TRPM3: variants seen among roughly 807,000 people sequenced by gnomAD.
The protein encoded by TRPM3 is long transient receptor potential channel 3.
In TRPM3, 77 loss-of-function variants were observed where a neutral mutation model predicts 181.2. The ratio of observed to expected loss-of-function variants is 0.42; its 90% CI spans 0.35 to 0.51. The LOEUF (loss-of-function observed/expected upper bound fraction) is 0.51. Among genes scored for constraint, TRPM3 ranks in the 20% least tolerant of loss-of-function variants. TRPM3 has a pLI of 0.01. For synonymous variants in TRPM3, 745 were observed against 796.4 expected, an observed-to-expected ratio of 0.94 and a Z score of 1.09; for missense variants, 1,759 against 2,196.7, an observed-to-expected ratio of 0.80 and a Z score of 3.98.
rs2040556533 is a variant in TRPM3 at position 70,529,371 on chromosome 9, G to T, written c.*6582C>A. The T allele has an allele frequency of 1.3e-5, 2 of 152,184 alleles. No homozygotes were observed. The highest frequency in any genetic ancestry group is 4.1e-4 in the South Asian group (2 of 4,834). 9.4% of individuals were successfully genotyped at this position (152,184 alleles called of 1,614,324 possible). On this transcript the variant is annotated 3_prime_UTR_variant, in exon 26 of 26. Coordinates refer to ENST00000677713, the MANE Select transcript of TRPM3 (RefSeq NM_001366145.2). ...TATTTGTAGGAATTCATTTAAAAATGATATCTGAATAATTTCCCCCATTAT... is the reference window on the plus strand; with the variant it reads ...TATTTGTAGGAATTCATTTAAAAATTATATCTGAATAATTTCCCCCATTAT...
rs1202843309 is a variant in TRPM3, at chr9:71,362,683, AT to A, written c.183+83969del. On this transcript the variant is annotated intron_variant, in intron 1 of 24. Coordinates refer to the TRPM3 transcript ENST00000357533. ...ATGACTACAGGTAAACCTTCTGAAC[AT>A]AAGCGATAACAATTTTTGTAACTTG... is the stretch of plus-strand genomic sequence containing the variant. Among the ~76,000 whole-genome samples, 3 of 152,236 alleles carry A rather than the reference AT, an allele frequency of 2.0e-5. No homozygotes were observed. In the East Asian group the frequency reaches 5.8e-4, roughly 29 times the overall value.
chr9:71,271,444 T>C (rs1034117916), intron 1 of TRPM3, among the ~76,000 whole-genome samples: 6 of 152,150 alleles, frequency 3.9e-5, no homozygotes, highest in African/African-American at 1.4e-4. Flanking sequence ...TACCACTCTG[T>C]GAAAATTCTA....
At chr9:70,603,217 TG>T in intron 20 of TRPM3, 124 bp downstream of exon 20, 2 of 1,168,202 alleles carry the variant, frequency 1.7e-6, no homozygotes, top group Middle Eastern at 2.5e-4. Flanking sequence ...GAAGCAGCTG[TG>T]GTAGAGTTAG....
intron 6 of TRPM3, among the ~76,000 whole-genome samples, chr9:70,801,674 G>A (rs1417036898): frequency 7.1e-6 from 1 of 140,228 alleles, no homozygotes; most frequent in Admixed American, 6.9e-5. Flanking sequence ...TTAATCACTC[G>A]AGTATTTAAC....
chr9:70,965,966 G>T (rs76430178), intron 1 of TRPM3, among the ~76,000 whole-genome samples: 1 of 150,834 alleles, frequency 6.6e-6, no homozygotes, highest in East Asian at 2.0e-4. Context: ...TACAGAATGG[G>T]AGAAAACTTT....
intron 6 of TRPM3, among the ~76,000 whole-genome samples, chr9:70,787,763 C>CTTTTTTTTTTTTTTTTTTTTTTTTCATT: frequency 1.5e-5 from 1 of 68,558 alleles, no homozygotes; most frequent in Non-Finnish European, 2.6e-5. Context: ...TTTTTGGATT[C>CTTTTTTTTTTTTTTTTTTTTTTTTCATT]TTTTTTTTTT....
intron 1 of TRPM3, among the ~76,000 whole-genome samples, chr9:71,304,462 G>A (rs181498535): frequency 6.6e-6 from 1 of 152,198 alleles, no homozygotes; most frequent in Non-Finnish European, 1.5e-5. Flanking sequence ...ACTCTCACAA[G>A]GCATCAACCA....
intron 1 of TRPM3, among the ~76,000 whole-genome samples, chr9:70,894,554 CT>C (rs1417613248): frequency 6.6e-6 from 1 of 152,162 alleles, no homozygotes; most frequent in Non-Finnish European, 1.5e-5. Context: ...GTACCAGGCA[CT>C]GCTTTAGGAA....
chr9:70,911,588 C>T (rs928153467), intron 1 of TRPM3, among the ~76,000 whole-genome samples: 7 of 152,250 alleles, frequency 4.6e-5, no homozygotes, highest in Non-Finnish European at 8.8e-5. Context: ...TAAAACCTGC[C>T]TCATGTATAT....
At chr9:71,087,798 T>C (rs146195924) in intron 1 of TRPM3, among the ~76,000 whole-genome samples, 42 of 152,230 alleles carry the variant, frequency 2.8e-4, no homozygotes, top group Non-Finnish European at 5.7e-4. Context: ...AAAACACTTC[T>C]AACTAATAAC....
chr9:70,569,844 T>A (rs2051711998), intron 22 of TRPM3, among the ~76,000 whole-genome samples: 1 of 152,172 alleles, frequency 6.6e-6, no homozygotes, highest in South Asian at 2.1e-4. Flanking sequence ...AATTGATATA[T>A]GTATATTTAT....
intron 1 of TRPM3, among the ~76,000 whole-genome samples, chr9:70,895,218 C>A (rs2096265524): frequency 6.6e-6 from 1 of 152,158 alleles, no homozygotes; most frequent in African/African-American, 2.4e-5. Flanking sequence ...ACACAATTCT[C>A]AAATATACAC....
intron 9 of TRPM3, among the ~76,000 whole-genome samples, chr9:70,663,053 T>C (rs1182968024): frequency 6.6e-6 from 1 of 152,174 alleles, no homozygotes; most frequent in East Asian, 1.9e-4. Context: ...GGAATATTAC[T>C]CAGCCATAAA....
At chr9:70,885,809 C>T (rs1443751881) in intron 1 of TRPM3, among the ~76,000 whole-genome samples, 7 of 152,178 alleles carry the variant, frequency 4.6e-5, no homozygotes, top group African/African-American at 1.7e-4. Context: ...TTTTATTCTG[C>T]AACCAATTTT....
chr9:70,649,923 G>T (rs113247904), intron 9 of TRPM3, among the ~76,000 whole-genome samples: 42 of 152,224 alleles, frequency 2.8e-4, no homozygotes, highest in African/African-American at 9.6e-4. Context: ...CCCATTAATG[G>T]TGAATTGGAT....
At chr9:71,053,546 G>T (rs2060306731) in intron 1 of TRPM3, among the ~76,000 whole-genome samples, 1 of 152,092 alleles carries the variant, frequency 6.6e-6, no homozygotes, top group Non-Finnish European at 1.5e-5. Flanking sequence ...AATGAAAGAG[G>T]TACAGATGCC....
At chr9:71,109,731 CAG>C (rs1677379512) in intron 1 of TRPM3, among the ~76,000 whole-genome samples, 2 of 151,926 alleles carry the variant, frequency 1.3e-5, no homozygotes, top group African/African-American at 4.8e-5. Flanking sequence ...GAGACGGTAA[CAG>C]GGGCAAATAC....
intron 1 of TRPM3, among the ~76,000 whole-genome samples, chr9:71,080,849 C>T (rs2064198446): frequency 6.6e-6 from 1 of 152,156 alleles, no homozygotes; most frequent in Non-Finnish European, 1.5e-5. Context: ...TTGCATCAGG[C>T]CCGGTAAATT....
chr9:71,279,034 T>TAAAAAAAAAAA (rs200421016), intron 1 of TRPM3, among the ~76,000 whole-genome samples: 3 of 47,488 alleles, frequency 6.3e-5, no homozygotes, highest in African/African-American at 2.1e-4. Flanking sequence ...CCTGCTTAGG[T>TAAAAAAAAAAA]TAAAAAAAAT....
Sources: allele counts gnomAD v4.1 joint callset (sites outside exome capture counted in the v4.1 genomes callset), GRCh38; gene constraint gnomAD v4.1.1; transcripts MANE v1.5; gene names NCBI Gene and HGNC (gene_info 2026-07-23, HGNC 2026-07-21).